The following DLGAP1 variants were observed in gnomAD, a reference collection of about 807,000 sequenced individuals.
DLGAP1 encodes the protein disks large-associated protein 1.
DLGAP1 carries 11 observed loss-of-function variants against 90.8 expected under a neutral mutation model. That is an observed-to-expected ratio of 0.12 (90% confidence interval 0.08 to 0.20). The LOEUF (loss-of-function observed/expected upper bound fraction) is 0.20. DLGAP1 is among the 10% of genes least tolerant of loss of function. DLGAP1 has a pLI of 1.00. For missense variants in DLGAP1, 1,050 were observed against 1,333.8 expected, an observed-to-expected ratio of 0.79 and a Z score of 3.31; for synonymous variants, 558 against 540.7, an observed-to-expected ratio of 1.03 and a Z score of -0.44.
At chr18:4,408,841 T>C (rs2144591740) in intron 1 of DLGAP1, among the ~76,000 whole-genome samples, 1 of 152,196 alleles carries the variant, frequency 6.6e-6, no homozygotes, top group East Asian at 1.9e-4. Flanking sequence ...CAGAGGTAGG[T>C]ATATCACTGT....
intron 3 of DLGAP1, among the ~76,000 whole-genome samples, chr18:3,993,420 G>A (rs1189832402): frequency 6.6e-6 from 1 of 151,984 alleles, no homozygotes. Context: ...CAAAATCAGC[G>A]GTCATTTAAT....
chr18:3,841,514 C>A (rs545655853), intron 4 of DLGAP1, among the ~76,000 whole-genome samples: 26 of 152,232 alleles, frequency 1.7e-4, no homozygotes, highest in African/African-American at 6.3e-4. Flanking sequence ...TAAACTTTTT[C>A]TTTTATTCTA....
At chr18:3,655,745 C>T (rs940468608) in intron 7 of DLGAP1, 1 of 250,902 alleles carries the variant, frequency 4.0e-6, no homozygotes, top group Non-Finnish European at 7.6e-6. Context: ...GCTGAAAGAT[C>T]CAGGGCAAAG....
intron 1 of DLGAP1, among the ~76,000 whole-genome samples, chr18:4,174,812 T>C (rs2077080168): frequency 6.6e-6 from 1 of 152,212 alleles, no homozygotes; most frequent in Non-Finnish European, 1.5e-5. Context: ...CCTCCCTGTG[T>C]CCATGTGTTC....
At chr18:4,382,156 T>A (rs936431612) in intron 1 of DLGAP1, among the ~76,000 whole-genome samples, 3 of 152,140 alleles carry the variant, frequency 2.0e-5, no homozygotes, top group African/African-American at 7.2e-5. Context: ...CCATATCTCT[T>A]ATATTTATCT....
chr18:3,682,135 A>T (rs12968788), intron 7 of DLGAP1, among the ~76,000 whole-genome samples: 24,698 of 147,708 alleles, frequency 0.17, 2,574 homozygotes, highest in East Asian at 0.44. Flanking sequence ...AAAAAATAAA[A>T]AAAAATAAAA....
intron 1 of DLGAP1, among the ~76,000 whole-genome samples, chr18:4,192,343 T>C (rs1446280541): frequency 6.6e-6 from 1 of 152,138 alleles, no homozygotes; most frequent in Non-Finnish European, 1.5e-5. Flanking sequence ...ATGCACACCT[T>C]TCAAAGAAAG....
In DLGAP1 at chr18:3,784,941, C is replaced by T. The variant is rs746604030; in HGVS notation, c.1172+29118G>A. ...TGCTGCTCCCTGTATCATACAACCA[C>T]GCTCCTGCTGCAAGGCCTTTTCTGG... On this transcript the variant is annotated intron_variant, in intron 5 of 12. Coordinates refer to ENST00000315677, the MANE Select transcript of DLGAP1 (RefSeq NM_004746.4). Among the ~76,000 whole-genome samples the T allele has an allele frequency of 8.5e-5, 13 of 152,132 alleles. No homozygotes were observed. In the South Asian group the frequency reaches 1.5e-3, roughly 17 times the overall value.
At chr18:4,146,878 A>C (rs1205666071) in intron 2 of DLGAP1, among the ~76,000 whole-genome samples, 1 of 152,242 alleles carries the variant, frequency 6.6e-6, no homozygotes, top group Admixed American at 6.5e-5. Context: ...TTAAAAACAT[A>C]CAAAATAAAT....
intron 1 of DLGAP1, among the ~76,000 whole-genome samples, chr18:4,359,788 T>C (rs557789874): frequency 6.6e-6 from 1 of 152,266 alleles, no homozygotes; most frequent in South Asian, 2.1e-4. Flanking sequence ...AAGCAGGCCC[T>C]GGAAGCAGGC....
intron 1 of DLGAP1, among the ~76,000 whole-genome samples, chr18:4,247,647 G>A (rs1475627462): frequency 6.6e-6 from 1 of 152,036 alleles, no homozygotes; most frequent in East Asian, 1.9e-4. Context: ...CGTGGTGGCA[G>A]GCGCCTGTAA....
At chr18:4,066,777 A>G (rs913902276) in intron 2 of DLGAP1, among the ~76,000 whole-genome samples, 3 of 152,134 alleles carry the variant, frequency 2.0e-5, no homozygotes, top group South Asian at 4.1e-4. Flanking sequence ...TAATTCCTCA[A>G]TGACCTAAGG....
At chr18:4,367,765 C>A (rs754598899) in intron 1 of DLGAP1, among the ~76,000 whole-genome samples, 2 of 151,840 alleles carry the variant, frequency 1.3e-5, no homozygotes, top group African/African-American at 4.8e-5. Context: ...AGGAGAATGG[C>A]GTGAACCCGG....
intron 1 of DLGAP1, among the ~76,000 whole-genome samples, chr18:4,393,808 C>T (rs1235367058): frequency 2.0e-5 from 3 of 152,146 alleles, no homozygotes; most frequent in African/African-American, 4.8e-5. Flanking sequence ...ACTGTTCCAC[C>T]TCAGAACATC....
rs989384817 is a variant in DLGAP1, at chr18:4,369,399, C to T, written c.-267+85607G>A. ...GACAAGAGATCCCAAATCTTATCTT[C>T]GGATTATAATTGTAATCAAGGACTA... On this transcript the variant is annotated intron_variant, in intron 1 of 12. Transcript: ENST00000315677. 2.0e-5 allele frequency among the ~76,000 whole-genome samples: 3 copies of T among 152,106 alleles called. No homozygotes were observed. In the East Asian group the frequency reaches 5.8e-4, roughly 29 times the overall value.
At chr18:3,884,881 T>C (rs1211129428) in intron 3 of DLGAP1, among the ~76,000 whole-genome samples, 1 of 152,204 alleles carries the variant, frequency 6.6e-6, no homozygotes, top group Non-Finnish European at 1.5e-5. Context: ...TCATAAAAAA[T>C]GGCAATAAAC....
At chr18:3,605,618 C>G (rs1268757101) in intron 7 of DLGAP1, among the ~76,000 whole-genome samples, 1 of 152,178 alleles carries the variant, frequency 6.6e-6, no homozygotes, top group Non-Finnish European at 1.5e-5. Context: ...ATTCATTGGA[C>G]TCCTTTCCTT....
intron 1 of DLGAP1, among the ~76,000 whole-genome samples, chr18:4,208,895 T>C (rs1201938782): frequency 2.6e-5 from 4 of 151,978 alleles, no homozygotes; most frequent in Non-Finnish European, 4.4e-5. Flanking sequence ...GAAGACAAAA[T>C]GGCAGCTATA....
chr18:3,679,155 C>G (rs947365817), intron 7 of DLGAP1, among the ~76,000 whole-genome samples: 14 of 152,018 alleles, frequency 9.2e-5, no homozygotes, highest in Admixed American at 4.6e-4. Context: ...ACAAGGCCCC[C>G]GTGTCTTTGC....
Sources: allele counts gnomAD v4.1 joint callset (sites outside exome capture counted in the v4.1 genomes callset), GRCh38; gene constraint gnomAD v4.1.1; transcripts MANE v1.5; gene names NCBI Gene and HGNC (gene_info 2026-07-23, HGNC 2026-07-21).